The following JKAMP variants were observed in gnomAD, a reference collection of about 807,000 sequenced individuals.
JKAMP encodes the protein JNK1/MAPK8 associated membrane protein, also known as JNK1/MAPK8-associated membrane protein.
JKAMP carries 20 observed loss-of-function variants against 40.2 expected under a neutral mutation model. The ratio of observed to expected loss-of-function variants is 0.50; its 90% confidence interval spans 0.35 to 0.72. The LOEUF (loss-of-function observed/expected upper bound fraction) is 0.72, where lower values mean the gene tolerates loss of function less well. Ranked by LOEUF, JKAMP falls within the 30% of genes least tolerant of loss-of-function variation. JKAMP has a pLI of 0.01. For synonymous variants in JKAMP, 138 were observed against 131.6 expected, an observed-to-expected ratio of 1.05 and a Z score of -0.33; for missense variants, 276 against 373.0, an observed-to-expected ratio of 0.74 and a Z score of 2.14.
intron 3 of JKAMP, among the ~76,000 whole-genome samples, chr14:59,488,937 A>G (rs1890785217): frequency 6.6e-6 from 1 of 152,280 alleles, no homozygotes; most frequent in South Asian, 2.1e-4. Flanking sequence ...TAAGGAAGAC[A>G]GCCTACTTTC....
At chr14:59,489,295 G>T (rs1890813953) in intron 3 of JKAMP, among the ~76,000 whole-genome samples, 1 of 152,178 alleles carries the variant, frequency 6.6e-6, no homozygotes, top group African/African-American at 2.4e-5. Flanking sequence ...GTTGCTTAAT[G>T]ATTTCTTCCA....
chr14:59,484,775 A>G (rs1890393239), intron 1 of JKAMP, 182 bp downstream of exon 1: 2 of 939,306 alleles, frequency 2.1e-6, no homozygotes, highest in Middle Eastern at 2.7e-4. Flanking sequence ...GTCTGTCCGC[A>G]ACGGGCTACT....
At chr14:59,494,953 T>C in intron 3 of JKAMP, 65 bp from the exon 4 acceptor site, 1 of 1,104,472 alleles carries the variant, frequency 9.1e-7, no homozygotes, top group Non-Finnish European at 1.4e-6. Flanking sequence ...CACATGTACA[T>C]GTTTTATTAA....
intron 3 of JKAMP, among the ~76,000 whole-genome samples, chr14:59,490,878 C>T (rs1890942690): frequency 6.6e-6 from 1 of 152,116 alleles, no homozygotes; most frequent in Non-Finnish European, 1.5e-5. Context: ...TATGTCTTCA[C>T]CAAATGCGTT....
At chr14:59,497,842 CAT>C (rs1209867466) in intron 4 of JKAMP, among the ~76,000 whole-genome samples, 1 of 152,138 alleles carries the variant, frequency 6.6e-6, no homozygotes, top group Non-Finnish European at 1.5e-5. Context: ...GGGGAGGAAG[CAT>C]GTGGTCCGTG....
At chr14:59,498,650 T>C in intron 4 of JKAMP, 77 bp from the exon 5 acceptor site, 1 of 826,938 alleles carries the variant, frequency 1.2e-6, no homozygotes, top group South Asian at 2.0e-5. Context: ...TTTAGGCTCT[T>C]TCATTTAAAA....
rs1261460995 is a variant in JKAMP at position 59,502,764 on chromosome 14, T to TCTTTGTTTTTG, written c.718-1090_718-1089insCTTTGTTTTTG. 2.1e-4 allele frequency among the ~76,000 whole-genome samples: 28 copies of TCTTTGTTTTTG among 130,466 alleles called. 9 individuals are homozygous for TCTTTGTTTTTG. Among genetic ancestry groups the TCTTTGTTTTTG allele is most frequent in the Non-Finnish European group, 2.9e-4 (18 of 63,020 alleles). The allele number at this position is 130,466 out of a possible 152,430, so 85.6% of individuals were successfully genotyped here. On this transcript the variant is annotated intron_variant, in intron 6 of 6. Coordinates refer to ENST00000616435, the MANE Select transcript of JKAMP (RefSeq NM_016475.5). Reference sequence around the variant, plus strand: ...AATAAAATGAGATTTTTTTTTTTTTTTTTTTTTTTCGGAGTCTCACTCTGT... The same window carrying TCTTTGTTTTTG: ...AATAAAATGAGATTTTTTTTTTTTTTCTTTGTTTTTGTTTTTTTTTCGGAGTCTCACTCTGT...
At chr14:59,495,333 G>T in intron 4 of JKAMP, 109 bp downstream of exon 4, 1 of 744,880 alleles carries the variant, frequency 1.3e-6, no homozygotes, top group Non-Finnish European at 2.2e-6. Flanking sequence ...TGAGTTCTGG[G>T]TCTGCCAGCG....
At chr14:59,499,010 T>G in intron 5 of JKAMP, 102 bp downstream of exon 5, 1 of 391,086 alleles carries the variant, frequency 2.6e-6, no homozygotes, top group Non-Finnish European at 4.2e-6. Flanking sequence ...ATAGTTTGTT[T>G]AATCCTTTTT....
chr14:59,497,633 C>T (rs1891548070), intron 4 of JKAMP, among the ~76,000 whole-genome samples: 1 of 152,072 alleles, frequency 6.6e-6, no homozygotes, highest in African/African-American at 2.4e-5. Context: ...TGATTAAAAT[C>T]ATCTTTTTTA....
chr14:59,503,910 G>T lies in JKAMP; in HGVS notation c.774G>T (p.Trp258Cys), dbSNP rs1398158117. ...KKRLIVLFSH[W>C]LLHAYGIISI... ...GACTTATTGTTCTCTTCAGCCACTG[G>T]TTACTTCATGCCTATGGAATAATCT... Residue 258 changes from tryptophan to cysteine, a missense_variant, in exon 7 of 7, where the codon TGG becomes TGT. Coordinates refer to ENST00000616435, the MANE Select transcript of JKAMP (RefSeq NM_016475.5). 6.2e-6 allele frequency: 10 copies of T among 1,613,546 alleles called. No homozygotes were observed. The highest frequency in any genetic ancestry group is 8.5e-6 in the Non-Finnish European group (10 of 1,179,550).
At chr14:59,484,754 G>C in intron 1 of JKAMP, 161 bp downstream of exon 1, 4 of 1,006,170 alleles carry the variant, frequency 4.0e-6, no homozygotes, top group Non-Finnish European at 1.5e-6. Flanking sequence ...CACTCCTGCG[G>C]GGTTGGGGTG....
intron 3 of JKAMP, 62 bp downstream of exon 3, chr14:59,487,890 G>T: frequency 4.2e-6 from 6 of 1,433,774 alleles, no homozygotes; most frequent in African/African-American, 1.4e-5. Flanking sequence ...TCACTCAGAA[G>T]ACCTTATTAA....
At chr14:59,489,293 A>G (rs1390241063) in intron 3 of JKAMP, among the ~76,000 whole-genome samples, 2 of 152,230 alleles carry the variant, frequency 1.3e-5, no homozygotes, top group Non-Finnish European at 2.9e-5. Context: ...TTGTTGCTTA[A>G]TGATTTCTTC....
chr14:59,484,519 G>T lies in JKAMP; in HGVS notation c.-71G>T. ...GAGGCGGAGCCGCCGAGCTCGCTGT[G>T]GCCCGGATGTTCGGTGCAGCTGCCA... On this transcript the variant is annotated 5_prime_UTR_variant, in exon 1 of 7. Coordinates refer to ENST00000616435, the MANE Select transcript of JKAMP (RefSeq NM_016475.5). The T allele has an allele frequency of 6.5e-7, 1 of 1,545,476 alleles. No individual in the cohort carries two copies. The highest frequency in any genetic ancestry group is 8.8e-7 in the Non-Finnish European group (1 of 1,140,776).
At chr14:59,503,346 G>A (rs745877147) in intron 6 of JKAMP, among the ~76,000 whole-genome samples, 6 of 152,144 alleles carry the variant, frequency 3.9e-5, no homozygotes, top group Non-Finnish European at 8.8e-5. Context: ...TAGCATACAG[G>A]TGTATTAAGG....
chr14:59,489,431 TC>T (rs1890824600), intron 3 of JKAMP, among the ~76,000 whole-genome samples: 1 of 152,232 alleles, frequency 6.6e-6, no homozygotes, highest in Non-Finnish European at 1.5e-5. Flanking sequence ...CCTGATAACT[TC>T]CTTAATTCCA....
intron 3 of JKAMP, among the ~76,000 whole-genome samples, chr14:59,491,980 C>CTCT (rs1891050379): frequency 6.6e-6 from 1 of 152,196 alleles, no homozygotes; most frequent in African/African-American, 2.4e-5. Flanking sequence ...CCCTGTAAGA[C>CTCT]TCTTGCTCAT....
chr14:59,503,741 TA>T (rs35606604), intron 6 of JKAMP, 112 bp from the exon 7 acceptor site: 368,463 of 693,048 alleles, frequency 0.53, 103,843 homozygotes, highest in East Asian at 0.8. Context: ...TCAAACATTT[TA>T]TGATTCTGAG....
Sources: gnomAD v4.1 joint callset for allele counts (sites outside exome capture counted in the v4.1 genomes callset) on GRCh38, gnomAD v4.1.1 for gene constraint, MANE v1.5 for transcripts, NCBI Gene and HGNC (gene_info 2026-07-23, HGNC 2026-07-21) for gene names.